The following MBOAT2 variants were observed in gnomAD, a reference collection of about 807,000 sequenced individuals.
MBOAT2 encodes membrane bound glycerophospholipid O-acyltransferase 2, also known as membrane-bound glycerophospholipid O-acyltransferase 2.
A neutral mutation model predicts 63.4 loss-of-function variants in MBOAT2; 28 were observed. That is an observed-to-expected ratio of 0.44 (90% confidence interval 0.33 to 0.61). The LOEUF (loss-of-function observed/expected upper bound fraction) is 0.61. Among genes scored for constraint, MBOAT2 ranks in the 20% least tolerant of loss-of-function variants. The probability of loss-of-function intolerance (pLI) is 0.03; values close to 1 mark genes in which losing one functional copy is unlikely to be tolerated. For missense variants in MBOAT2, 470 were observed against 605.8 expected, an observed-to-expected ratio of 0.78 and a Z score of 2.35; for synonymous variants, 211 against 215.6, an observed-to-expected ratio of 0.98 and a Z score of 0.19.
Position 8,862,354 on chromosome 2 carries a change from C to T in MBOAT2, c.1185+236G>A. On this transcript the variant is annotated intron_variant, in intron 11 of 12. Transcript: ENST00000305997. This position sits in a 1 kb window ranked among gnomAD's most constrained non-coding sequence, Gnocchi z 4.3. ...AGACAAAGTAACATTTTGTGAGTGCCTCCTACCTGCCGGGCACATAGAAAC... is the reference window on the plus strand; with the variant it reads ...AGACAAAGTAACATTTTGTGAGTGCTTCCTACCTGCCGGGCACATAGAAAC... 1.4e-6 allele frequency: 2 copies of T among 1,440,918 alleles called. No homozygotes were observed. Among genetic ancestry groups the T allele is most frequent in the Non-Finnish European group, 1.8e-6 (2 of 1,085,134 alleles). The allele number at this position is 1,440,918 out of a possible 1,614,324, so 89.3% of individuals were successfully genotyped here. A position where few individuals can be genotyped will look rare whatever the true frequency, so the allele number is the denominator to read the frequency against.
intron 6 of MBOAT2, among the ~76,000 whole-genome samples, chr2:8,877,563 G>A (rs143275920): frequency 1.3e-5 from 2 of 152,330 alleles, no homozygotes; most frequent in East Asian, 3.9e-4. Flanking sequence ...CCCACCTGCT[G>A]CAGGGCCTGG....
chr2:8,909,263 T>G (rs1025716650), intron 3 of MBOAT2, among the ~76,000 whole-genome samples: 22 of 152,162 alleles, frequency 1.4e-4, no homozygotes, highest in Admixed American at 6.5e-5. Flanking sequence ...AAAAAGAACT[T>G]ATATATCAAC....
chr2:8,924,734 C>T (rs1405573450), intron 3 of MBOAT2, among the ~76,000 whole-genome samples: 3 of 149,576 alleles, frequency 2.0e-5, no homozygotes, highest in Non-Finnish European at 4.4e-5. Flanking sequence ...CAAAATCTAA[C>T]TTTTGTTCCC....
At position 8,860,764 on chromosome 2, in the gene MBOAT2, T is replaced by A. The variant is rs1661435591; in HGVS notation, c.1186A>T (p.Met396Leu). 1 of 1,565,094 alleles carries A rather than the reference T, an allele frequency of 6.4e-7. No individual in the cohort carries two copies. Among genetic ancestry groups the A allele is most frequent in the Non-Finnish European group, 8.7e-7 (1 of 1,144,980 alleles). Reference protein sequence around the residue: ...GVLMTLAARAMRNNFRHYFIE... With the variant: ...GVLMTLAARALRNNFRHYFIE... Reference sequence around the variant, plus strand: ...AAATAATGTCTAAAGTTATTTCTCATCTGAAATAAAGAAACAAAAACATTT... The same window carrying A: ...AAATAATGTCTAAAGTTATTTCTCAACTGAAATAAAGAAACAAAAACATTT... Residue 396 changes from methionine (M) to leucine (L), a missense_variant and splice_region_variant, in exon 12 of 13, where the codon ATG (methionine) becomes TTG (leucine). By Grantham distance (15) the Met-to-Leu change is conservative. Transcript: ENST00000305997.
intron 1 of MBOAT2, among the ~76,000 whole-genome samples, chr2:8,965,890 T>TA (rs889198380): frequency 2.0e-5 from 3 of 151,978 alleles, no homozygotes; most frequent in Admixed American, 6.6e-5. Context: ...AATTTTGGAG[T>TA]AAAAAAACCT....
intron 12 of MBOAT2, 60 bp downstream of exon 12, chr2:8,860,553 G>T: frequency 6.5e-7 from 1 of 1,543,072 alleles, no homozygotes; most frequent in Non-Finnish European, 8.9e-7. Flanking sequence ...CCAATAGCAA[G>T]AAACTTTCTT....
chr2:8,927,517 C>T (rs906585020), intron 3 of MBOAT2, among the ~76,000 whole-genome samples: 6 of 152,124 alleles, frequency 3.9e-5, no homozygotes, highest in Admixed American at 3.3e-4. Flanking sequence ...GCAGTAGCTC[C>T]GTCGAGTTGC....
rs1027576347 is a variant in MBOAT2, at chr2:8,853,466, T to C, written c.*5213A>G. On this transcript the variant is annotated 3_prime_UTR_variant, in exon 13 of 13. Transcript: ENST00000305997. ...AAAAGGACAGGGGGGAATATTCAAA[T>C]TGATTTCCCAAGAAAATTAACCTAA... 1.3e-5 allele frequency: 2 copies of C among 152,212 alleles called. No individual in the cohort carries two copies. The highest frequency in any genetic ancestry group is 2.1e-4 in the South Asian group (1 of 4,830). 9.4% of individuals were successfully genotyped at this position (152,212 alleles called of 1,614,324 possible). A position where few individuals can be genotyped will look rare whatever the true frequency, so the allele number is the denominator to read the frequency against.
chr2:8,987,656 T>A (rs1172391556), intron 1 of MBOAT2, among the ~76,000 whole-genome samples: 2 of 152,272 alleles, frequency 1.3e-5, no homozygotes, highest in East Asian at 3.9e-4. Context: ...CACTCACATG[T>A]CAGACAGTGG....
chr2:8,870,134 C>T (rs1035696112), intron 8 of MBOAT2, among the ~76,000 whole-genome samples: 12 of 152,120 alleles, frequency 7.9e-5, no homozygotes, highest in African/African-American at 2.9e-4. Context: ...TGACCATTAA[C>T]ATCAATTTAA....
At chr2:8,987,113 C>G (rs1381936264) in intron 1 of MBOAT2, among the ~76,000 whole-genome samples, 5 of 152,168 alleles carry the variant, frequency 3.3e-5, no homozygotes, top group Non-Finnish European at 5.9e-5. Context: ...TGACAAATGA[C>G]CATACTAATG....
intron 2 of MBOAT2, among the ~76,000 whole-genome samples, chr2:8,944,761 TAGA>T (rs1451915976): frequency 1.3e-5 from 2 of 151,412 alleles, no homozygotes; most frequent in Non-Finnish European, 1.5e-5. Flanking sequence ...TAAAAGGAAA[TAGA>T]AGAAAGCTTT....
At chr2:8,968,820 C>T (rs566543546) in intron 1 of MBOAT2, among the ~76,000 whole-genome samples, 225 of 152,026 alleles carry the variant, frequency 1.5e-3, no homozygotes, top group African/African-American at 4.8e-3. Context: ...GAGAAGAGAA[C>T]TTTAGAGAAA....
intron 2 of MBOAT2, among the ~76,000 whole-genome samples, chr2:8,955,990 T>C (rs1401215262): frequency 6.6e-6 from 1 of 152,218 alleles, no homozygotes; most frequent in East Asian, 1.9e-4. Context: ...ATTGTTTTTT[T>C]AGACATAATT....
At chr2:8,967,003 G>T (rs1420340719) in intron 1 of MBOAT2, among the ~76,000 whole-genome samples, 1 of 152,120 alleles carries the variant, frequency 6.6e-6, no homozygotes, top group Non-Finnish European at 1.5e-5. Context: ...AAATCACACA[G>T]AACAACGAAG....
At chr2:8,860,173 A>G (rs1211741073) in intron 12 of MBOAT2, among the ~76,000 whole-genome samples, 1 of 152,222 alleles carries the variant, frequency 6.6e-6, no homozygotes, top group Non-Finnish European at 1.5e-5. Context: ...CCTGGGCGAC[A>G]GAGCAAGATT....
intron 1 of MBOAT2, among the ~76,000 whole-genome samples, chr2:8,981,706 G>A (rs184011918): frequency 5.0e-4 from 76 of 152,242 alleles, no homozygotes; most frequent in South Asian, 2.3e-3. Flanking sequence ...CAGAGAGGAA[G>A]GGAGACAGAG....
At chr2:8,908,345 G>C in intron 4 of MBOAT2, 2 of 281,810 alleles carry the variant, frequency 7.1e-6, no homozygotes, top group Non-Finnish European at 6.6e-6. Flanking sequence ...ACTCTTGAGC[G>C]CCTTCTCTAG....
chr2:8,890,984 C>CA (rs767472408), intron 4 of MBOAT2, among the ~76,000 whole-genome samples: 6 of 152,162 alleles, frequency 3.9e-5, no homozygotes, highest in Admixed American at 6.5e-5. Flanking sequence ...TCTATTACTA[C>CA]AAAAAACCCA....
Sources: gnomAD v4.1 joint callset for allele counts (sites outside exome capture counted in the v4.1 genomes callset) on GRCh38, gnomAD v4.1.1 for gene constraint, Gnocchi (gnomAD v3.1) non-coding constraint, MANE v1.5 for transcripts, NCBI Gene and HGNC (gene_info 2026-07-23, HGNC 2026-07-21) for gene names.